Variants in RAB8A observed in about 807,000 individuals in gnomAD.
RAB8A encodes the protein ras-related protein Rab-8A.
A neutral mutation model predicts 29.2 loss-of-function variants in RAB8A; 5 were observed. That is an observed-to-expected ratio of 0.17 (90% confidence interval 0.09 to 0.36). The LOEUF is 0.36. RAB8A is among the 10% of genes least tolerant of loss of function. RAB8A has a pLI of 1.00. For synonymous variants in RAB8A, 108 were observed against 99.9 expected (o/e 1.08, Z -0.49); for missense variants, 171 against 272.2 (o/e 0.63, Z 2.62).
intron 2 of RAB8A, among the ~76,000 whole-genome samples, chr19:16,121,165 C>T (rs1043388510): frequency 3.3e-5 from 5 of 152,150 alleles, no homozygotes; most frequent in Non-Finnish European, 5.9e-5. Context: ...GGTCCACCTG[C>T]CTCGGCCTCC....
rs2090908574 is a variant in RAB8A, at chr19:16,127,878, G to A, written c.415-148G>A. 1.3e-6 allele frequency: 1 copy of A among 776,074 alleles called. No homozygotes were observed. The highest frequency in any genetic ancestry group is 2.2e-6 in the Non-Finnish European group (1 of 452,898). 48.1% of individuals were successfully genotyped at this position (776,074 alleles called of 1,614,324 possible). ...GTGGAGGGGCATTCACTATAGAATT[G>A]AGGGAGTGATCCAGGAAGTCACGCC... On this transcript the variant is annotated intron_variant, in intron 5 of 7. Transcript: ENST00000300935. The surrounding 1 kb of genome is among the most constrained non-coding windows in gnomAD (Gnocchi z 4.8).
chr19:16,116,891 CAA>C (rs1160942876), intron 1 of RAB8A, among the ~76,000 whole-genome samples: 10 of 92,614 alleles, frequency 1.1e-4, no homozygotes, highest in Non-Finnish European at 9.1e-5. Context: ...AACTCCATCT[CAA>C]AAAAAAAAAA....
intron 1 of RAB8A, among the ~76,000 whole-genome samples, chr19:16,115,677 G>A (rs1044699542): frequency 5.3e-5 from 8 of 152,204 alleles, no homozygotes; most frequent in Admixed American, 5.2e-4. Flanking sequence ...TTGGCAAGAG[G>A]GCTGCAGAAA....
intron 1 of RAB8A, 58 bp downstream of exon 1, chr19:16,112,083 A>G: frequency 6.3e-7 from 1 of 1,597,252 alleles, no homozygotes; most frequent in Non-Finnish European, 8.5e-7. Context: ...CGCGCCCCTG[A>G]GGGGCTGGGG....
chr19:16,115,971 G>A (rs2144984006), intron 1 of RAB8A, among the ~76,000 whole-genome samples: 1 of 152,266 alleles, frequency 6.6e-6, no homozygotes, highest in South Asian at 2.1e-4. Context: ...GGCTGGGTCT[G>A]GCTGTTTCTC....
At chr19:16,129,679 A>T in intron 7 of RAB8A, 75 bp downstream of exon 7, 1 of 1,455,124 alleles carries the variant, frequency 6.9e-7, no homozygotes, top group Non-Finnish European at 9.6e-7. Context: ...CAGTGATATG[A>T]CGTGCCCTAG....
chr19:16,117,596 TG>T (rs1436974615), intron 1 of RAB8A, among the ~76,000 whole-genome samples: 2 of 151,600 alleles, frequency 1.3e-5, no homozygotes, highest in Non-Finnish European at 2.9e-5. Context: ...AGTGGGAGCC[TG>T]GGGAACATCA....
chr19:16,120,609 CTTTT>C (rs372155452), intron 2 of RAB8A, among the ~76,000 whole-genome samples: 1 of 130,632 alleles, frequency 7.7e-6, no homozygotes, highest in African/African-American at 2.9e-5. Flanking sequence ...ACACGCCTGG[CTTTT>C]TTTTTTTTTT....
intron 1 of RAB8A, among the ~76,000 whole-genome samples, chr19:16,113,364 A>G (rs1171231372): frequency 6.6e-6 from 1 of 152,146 alleles, no homozygotes; most frequent in East Asian, 1.9e-4. Context: ...TGCTAATTCC[A>G]TTCTTGCCCT....
At chr19:16,129,854 A>G (rs2090917663) in intron 7 of RAB8A, among the ~76,000 whole-genome samples, 1 of 152,220 alleles carries the variant, frequency 6.6e-6, no homozygotes, top group Non-Finnish European at 1.5e-5. Context: ...CAGGGAGCAC[A>G]CGGCCTTTTC....
Position 16,125,437 on chromosome 19 carries a change from G to T in RAB8A, c.247-33G>T. On this transcript the variant is annotated intron_variant, in intron 3 of 7. Transcript: ENST00000300935. This position sits in a 1 kb window ranked among gnomAD's most constrained non-coding sequence, Gnocchi z 5.0. ...GGCCTCCCTTCCAGAGCCTGCAGCC[G>T]ATCAGGCACCTGTGTCTTCTCTCCC... 2 of 1,593,156 alleles carry T rather than the reference G, an allele frequency of 1.3e-6. No homozygotes were observed. Among genetic ancestry groups the T allele is most frequent in the Non-Finnish European group, 8.6e-7 (1 of 1,161,948 alleles).
intron 7 of RAB8A, among the ~76,000 whole-genome samples, chr19:16,131,087 G>C (rs1248512475): frequency 6.6e-6 from 1 of 152,084 alleles, no homozygotes; most frequent in African/African-American, 2.4e-5. Context: ...GCCTCCCAAA[G>C]TGTTGGGATT....
chr19:16,129,654 C>G (rs1415491610), intron 7 of RAB8A, 50 bp downstream of exon 7: 1 of 1,583,510 alleles, frequency 6.3e-7, no homozygotes, highest in East Asian at 2.2e-5. Flanking sequence ...GGGATCCAGC[C>G]ATCGTCGTTA....
Position 16,112,040 on chromosome 19 carries a change from G to A in RAB8A, c.124+15G>A. The A allele has an allele frequency of 1.9e-6, 3 of 1,613,280 alleles. No homozygotes were observed. The highest frequency in any genetic ancestry group is 2.5e-6 in the Non-Finnish European group (3 of 1,179,414). ...CTCCACCATAGGTAACGGGACCGGG[G>A]AATGGCTGGGGGCGCCGGAGGCCCG... On this transcript the variant is annotated intron_variant, in intron 1 of 7. Coordinates refer to ENST00000300935, the MANE Select transcript of RAB8A (RefSeq NM_005370.5).
chr19:16,127,981 G>A lies in RAB8A; in HGVS notation c.415-45G>A, dbSNP rs367899242. The A allele has an allele frequency of 3.1e-5, 49 of 1,599,624 alleles. No individual in the cohort carries two copies. The Admixed American group carries it at 3.2e-4, about 10-fold the overall frequency. On this transcript the variant is annotated intron_variant, in intron 5 of 7. Coordinates refer to ENST00000300935, the MANE Select transcript of RAB8A (RefSeq NM_005370.5). The surrounding 1 kb of genome is among the most constrained non-coding windows in gnomAD (Gnocchi z 4.8). ...TCCTGTTTTAGGCAAGCTCAGATGC[G>A]CCCGGCGGCTGGTGTGCTCATGCGT...
rs1442642732 is a variant in RAB8A at position 16,122,427 on chromosome 19, C to T, written c.246+617C>T. 6.6e-6 allele frequency among the ~76,000 whole-genome samples: 1 copy of T among 152,162 alleles called. No individual in the cohort carries two copies. Among genetic ancestry groups the T allele is most frequent in the African/African-American group, 2.4e-5 (1 of 41,434 alleles). On this transcript the variant is annotated intron_variant, in intron 3 of 7. Coordinates refer to ENST00000300935, the MANE Select transcript of RAB8A (RefSeq NM_005370.5). The surrounding 1 kb of genome is among the most constrained non-coding windows in gnomAD (Gnocchi z 4.7). Reference sequence around the variant, plus strand: ...GGTAGAGGGAGCAGGAGGTGGAGCCCCTGGACCTGACCTGAGACCCTGGCT... The same window carrying T: ...GGTAGAGGGAGCAGGAGGTGGAGCCTCTGGACCTGACCTGAGACCCTGGCT...
rs1274225712 is a variant in RAB8A, at chr19:16,122,984, G to T, written c.246+1174G>T. ...GGCCCAAATAGCCACCTTCCACCCT[G>T]CCCTGACCACCAAGCCCTCCCCTGC... On this transcript the variant is annotated intron_variant, in intron 3 of 7. Coordinates refer to ENST00000300935, the MANE Select transcript of RAB8A (RefSeq NM_005370.5). This position sits in a 1 kb window ranked among gnomAD's most constrained non-coding sequence, Gnocchi z 4.7. Among the ~76,000 whole-genome samples the T allele has an allele frequency of 6.6e-6, 1 of 152,154 alleles. No individual in the cohort carries two copies. Among genetic ancestry groups the T allele is most frequent in the Non-Finnish European group, 1.5e-5 (1 of 68,036 alleles).
At chr19:16,121,666 C>A in intron 2 of RAB8A, 84 bp from the exon 3 acceptor site, 1 of 1,268,800 alleles carries the variant, frequency 7.9e-7, no homozygotes, top group Non-Finnish European at 1.1e-6. Flanking sequence ...GAAAGCCAGG[C>A]ATCCCGGGTA....
Position 16,127,393 on chromosome 19 carries a change from T to G in RAB8A, c.325-44T>G. On this transcript the variant is annotated intron_variant, in intron 4 of 7. Coordinates refer to ENST00000300935, the MANE Select transcript of RAB8A (RefSeq NM_005370.5). This position sits in a 1 kb window ranked among gnomAD's most constrained non-coding sequence, Gnocchi z 4.8. ...TGTGTGTTGGCAGAGGCACCTGGCC[T>G]GTGTCATCCGGTCTGATCCCCCGTC... 1.5e-6 allele frequency: 2 copies of G among 1,320,574 alleles called. No homozygotes were observed. Among genetic ancestry groups the G allele is most frequent in the Non-Finnish European group, 2.0e-6 (2 of 994,526 alleles). 81.8% of individuals were successfully genotyped at this position (1,320,574 alleles called of 1,614,324 possible). A position where few individuals can be genotyped will look rare whatever the true frequency, so the allele number is the denominator to read the frequency against.
Sources: gnomAD v4.1 joint callset for allele counts (sites outside exome capture counted in the v4.1 genomes callset) on GRCh38, gnomAD v4.1.1 for gene constraint, Gnocchi (gnomAD v3.1) non-coding constraint, MANE v1.5 for transcripts, NCBI Gene and HGNC (gene_info 2026-07-23, HGNC 2026-07-21) for gene names.